The following CSMD1 variants were observed in gnomAD, a reference collection of about 807,000 sequenced individuals.
The protein encoded by CSMD1 is CUB and sushi domain-containing protein 1.
In CSMD1, 213 loss-of-function variants were observed where a neutral mutation model predicts 417.5. The observed-to-expected ratio is 0.51, with a 90% CI of 0.46 to 0.57. The LOEUF (loss-of-function observed/expected upper bound fraction) is 0.57, where lower values mean the gene tolerates loss of function less well. Ranked by LOEUF, CSMD1 falls within the 20% of genes least tolerant of loss-of-function variation. The probability of loss-of-function intolerance (pLI) is 0.00; values close to 1 mark genes in which losing one functional copy is unlikely to be tolerated. For missense variants in CSMD1, 6,923 were observed against 4,529.7 expected (o/e 1.53, Z -15.17); for synonymous variants, 2,862 against 1,736.8 (o/e 1.65, Z -16.11).
intron 23 of CSMD1, among the ~76,000 whole-genome samples, chr8:3,331,453 G>T (rs911720117): frequency 8.5e-5 from 13 of 152,254 alleles, no homozygotes; most frequent in African/African-American, 3.1e-4. Flanking sequence ...GTATCAGTGG[G>T]AAGCTCTTGA....
chr8:3,282,541 A>G (rs1489972136), intron 26 of CSMD1, among the ~76,000 whole-genome samples: 3 of 64,908 alleles, frequency 4.6e-5, no homozygotes, highest in Admixed American at 2.2e-4. Context: ...AAAATTTTAT[A>G]TCACAACAAA....
intron 3 of CSMD1, among the ~76,000 whole-genome samples, chr8:4,146,166 A>T (rs1310319767): frequency 1.3e-5 from 2 of 150,838 alleles, no homozygotes; most frequent in South Asian, 2.1e-4. Context: ...ATCCAGCCTC[A>T]TACTCCGCTG....
chr8:4,090,976 C>T (rs779547365), intron 3 of CSMD1, among the ~76,000 whole-genome samples: 43 of 150,552 alleles, frequency 2.9e-4, no homozygotes, highest in Non-Finnish European at 5.3e-4. Flanking sequence ...TGGAGTGCAG[C>T]GGTGCAATCC....
At chr8:3,184,637 T>C (rs760417886) in intron 36 of CSMD1, among the ~76,000 whole-genome samples, 4 of 152,226 alleles carry the variant, frequency 2.6e-5, no homozygotes, top group Non-Finnish European at 5.9e-5. Flanking sequence ...TTTCTATACA[T>C]GGGCATACGA....
At chr8:4,677,248 T>G (rs1311176456) in intron 1 of CSMD1, among the ~76,000 whole-genome samples, 3 of 151,702 alleles carry the variant, frequency 2.0e-5, no homozygotes, top group Non-Finnish European at 2.9e-5. Flanking sequence ...ATTTTAGAAA[T>G]AATTCTACTT....
chr8:3,379,502 A>G (rs1181736932), intron 18 of CSMD1, among the ~76,000 whole-genome samples: 3 of 152,178 alleles, frequency 2.0e-5, no homozygotes, highest in African/African-American at 4.8e-5. Context: ...GAACTATACT[A>G]CCAGGCTACA....
At chr8:3,461,546 G>C (rs1245387304) in intron 12 of CSMD1, among the ~76,000 whole-genome samples, 1 of 152,158 alleles carries the variant, frequency 6.6e-6, no homozygotes, top group African/African-American at 2.4e-5. Context: ...AGGCAATGTG[G>C]TTGTAGAGAA....
intron 1 of CSMD1, among the ~76,000 whole-genome samples, chr8:4,913,040 C>T (rs1175662956): frequency 6.6e-6 from 1 of 152,124 alleles, no homozygotes; most frequent in African/African-American, 2.4e-5. Context: ...CCACCTGCCT[C>T]GGCCTCCCAA....
At chr8:3,787,292 A>G (rs983859591) in intron 5 of CSMD1, among the ~76,000 whole-genome samples, 1 of 152,178 alleles carries the variant, frequency 6.6e-6, no homozygotes, top group Admixed American at 6.5e-5. Context: ...CAATTTTAGA[A>G]AATTGATTTC....
intron 3 of CSMD1, among the ~76,000 whole-genome samples, chr8:4,133,458 T>C (rs902424913): frequency 6.6e-6 from 1 of 152,214 alleles, no homozygotes; most frequent in African/African-American, 2.4e-5. Flanking sequence ...ACCTTATTTT[T>C]CTTTCAGCCC....
chr8:3,259,385 G>A (rs368246476), intron 26 of CSMD1, among the ~76,000 whole-genome samples: 1 of 152,028 alleles, frequency 6.6e-6, no homozygotes, highest in Non-Finnish European at 1.5e-5. Context: ...GAGGCTGCAG[G>A]TTTACGGACA....
In CSMD1 at chr8:3,367,126, C is replaced by T. The variant is rs775383378; in HGVS notation, c.3021G>A (p.Thr1007=). The change falls in exon 20 of 70, where the codon ACG becomes ACA. Residue 1007 remains threonine, a synonymous_variant. Coordinates refer to ENST00000635120, the MANE Select transcript of CSMD1 (RefSeq NM_033225.6). ...ARLTGSVLPH[T]IKAGLFGNFT... ...AGTTTCCAAACAGGCCTGCCTTGAT[C>T]GTATGAGGCAACACCGACCCGGTGA... The T allele has an allele frequency of 4.0e-5, 64 of 1,613,604 alleles. No homozygotes were observed. The South Asian group carries it at 4.7e-4, about 12-fold the overall frequency.
chr8:4,848,010 T>C (rs1801244852), intron 1 of CSMD1, among the ~76,000 whole-genome samples: 1 of 152,040 alleles, frequency 6.6e-6, no homozygotes, highest in African/African-American at 2.4e-5. Flanking sequence ...GAACAACAAC[T>C]CGTCTTCTTT....
intron 3 of CSMD1, among the ~76,000 whole-genome samples, chr8:4,084,391 T>C (rs1283436981): frequency 6.6e-6 from 1 of 152,082 alleles, no homozygotes; most frequent in East Asian, 1.9e-4. Context: ...CAATATGCGA[T>C]TTAAATTTTT....
intron 42 of CSMD1, among the ~76,000 whole-genome samples, chr8:3,113,574 C>G (rs71521806): frequency 0.021 from 3,269 of 152,286 alleles, 52 homozygotes; most frequent in Middle Eastern, 0.054. Context: ...GGAAACATGC[C>G]CAGGTACCCT....
At chr8:4,511,737 A>G (rs1802832786) in intron 2 of CSMD1, among the ~76,000 whole-genome samples, 1 of 151,988 alleles carries the variant, frequency 6.6e-6, no homozygotes, top group South Asian at 2.1e-4. Context: ...CCCCAAGAGA[A>G]CTCAGTCATT....
intron 1 of CSMD1, among the ~76,000 whole-genome samples, chr8:4,793,825 C>A (rs1462922641): frequency 3.7e-5 from 4 of 106,940 alleles, no homozygotes; most frequent in African/African-American, 1.1e-4. Flanking sequence ...AGGCCACAAC[C>A]CCAGAATAGG....
intron 36 of CSMD1, among the ~76,000 whole-genome samples, chr8:3,186,827 G>C (rs1449210410): frequency 6.6e-6 from 1 of 152,208 alleles, no homozygotes; most frequent in Non-Finnish European, 1.5e-5. Flanking sequence ...CAATTCTCTA[G>C]TAGCTAATCT....
chr8:3,491,737 G>C (rs747652531), intron 11 of CSMD1, among the ~76,000 whole-genome samples: 7 of 152,182 alleles, frequency 4.6e-5, no homozygotes, highest in African/African-American at 7.2e-5. Context: ...AAGGGGATAA[G>C]GTGAGTATAA....
Sources: gnomAD v4.1 joint callset for allele counts (sites outside exome capture counted in the v4.1 genomes callset) on GRCh38, gnomAD v4.1.1 for gene constraint, MANE v1.5 for transcripts, NCBI Gene and HGNC (gene_info 2026-07-23, HGNC 2026-07-21) for gene names.